The following MYO1F variants were observed in gnomAD, a reference collection of about 807,000 sequenced individuals.
MYO1F encodes the protein unconventional myosin-If.
Under a neutral mutation model 146.6 loss-of-function variants are expected in MYO1F, and 60 were observed. The ratio of observed to expected loss-of-function variants is 0.41; its 90% CI spans 0.33 to 0.51. The LOEUF (loss-of-function observed/expected upper bound fraction) is 0.51. Among genes scored for constraint, MYO1F ranks in the 20% least tolerant of loss-of-function variants. MYO1F has a pLI of 0.25. For missense variants in MYO1F, 1,274 were observed against 1,534.3 expected, an observed-to-expected ratio of 0.83 and a Z score of 2.83; for synonymous variants, 602 against 602.1, an observed-to-expected ratio of 1.00 and a Z score of 0.00.
At chr19:8,554,455 G>C in intron 4 of MYO1F, 22 bp downstream of exon 4, 1 of 1,580,166 alleles carries the variant, frequency 6.3e-7, no homozygotes, top group Non-Finnish European at 8.7e-7. Context: ...CAGGGTCTGT[G>C]GCCCCCCAAC....
intron 1 of MYO1F, among the ~76,000 whole-genome samples, chr19:8,564,237 C>G (rs1467304433): frequency 6.6e-6 from 1 of 151,978 alleles, no homozygotes; most frequent in East Asian, 1.9e-4. Context: ...AAAAATTAGC[C>G]AGGCGTGGTG....
At chr19:8,569,607 C>T (rs927736453) in intron 1 of MYO1F, among the ~76,000 whole-genome samples, 1 of 152,090 alleles carries the variant, frequency 6.6e-6, no homozygotes, top group African/African-American at 2.4e-5. Context: ...CCTTGGGGGG[C>T]TCGGTGTTCC....
intron 25 of MYO1F, chr19:8,525,199 CAA>C (rs60806727): frequency 0.04 from 3,164 of 79,604 alleles, no homozygotes; most frequent in South Asian, 0.1. Flanking sequence ...GACTCCATCT[CAA>C]AAAAAAAAAA....
Position 8,530,427 on chromosome 19 carries a change from C to T in MYO1F, c.2158+32G>A. On this transcript the variant is annotated intron_variant, in intron 20 of 27. Coordinates refer to ENST00000644032, the MANE Select transcript of MYO1F (RefSeq NM_012335.4). The surrounding 1 kb of genome is among the most constrained non-coding windows in gnomAD (Gnocchi z 5.8). The stretch of plus-strand genomic sequence containing the variant: ...ACAGCTCCTCCAGGTCCTTGTGCCC[C>T]CACCCCGCGCCGTTTACCCGAAGCC... The T allele has an allele frequency of 6.2e-7, 1 of 1,613,656 alleles. No homozygotes were observed. The highest frequency in any genetic ancestry group is 1.3e-5 in the African/African-American group (1 of 75,028).
chr19:8,569,349 A>G (rs1046974344), intron 1 of MYO1F, among the ~76,000 whole-genome samples: 2 of 152,046 alleles, frequency 1.3e-5, no homozygotes, highest in African/African-American at 4.8e-5. Context: ...TGGGTGGGGT[A>G]GGAAGGACGG....
At chr19:8,542,813 C>T (rs1973039548) in intron 14 of MYO1F, among the ~76,000 whole-genome samples, 1 of 151,632 alleles carries the variant, frequency 6.6e-6, no homozygotes, top group Middle Eastern at 3.4e-3. Context: ...ATATGTTAGC[C>T]AGGATGGTCT....
At chr19:8,565,016 G>A (rs1187853293) in intron 1 of MYO1F, among the ~76,000 whole-genome samples, 2 of 151,718 alleles carry the variant, frequency 1.3e-5, no homozygotes, top group African/African-American at 4.8e-5. Flanking sequence ...CAGGTGATCC[G>A]CCCACCTCAG....
chr19:8,564,433 T>C (rs2041963415), intron 1 of MYO1F, among the ~76,000 whole-genome samples: 2 of 152,062 alleles, frequency 1.3e-5, no homozygotes, highest in South Asian at 4.2e-4. Flanking sequence ...TGAGAGTCCC[T>C]GGGGTGCGTC....
At chr19:8,561,594 TCTC>T (rs1263661317) in intron 1 of MYO1F, among the ~76,000 whole-genome samples, 5 of 132,392 alleles carry the variant, frequency 3.8e-5, no homozygotes, top group African/African-American at 1.4e-4. Flanking sequence ...CCTCCCTCCC[TCTC>T]TTCTCTTTTT....
rs1306537582 is a variant in MYO1F at position 8,539,968 on chromosome 19, G to A, written c.1671C>T (p.Ser557=). ...CCACCTTGATCTTGGAGCCGGCGGT[G>A]CTGGGGCGCCCCTTCTTGTCTCCAT... ...KLDGDKKGRP[S]TAGSKIKKQA... Residue 557 remains serine (S), a synonymous_variant, in exon 16 of 28, where the codon AGC becomes AGT. Transcript: ENST00000644032. 6.2e-7 allele frequency: 1 copy of A among 1,612,720 alleles called. No individual in the cohort carries two copies. The highest frequency in any genetic ancestry group is 8.5e-7 in the Non-Finnish European group (1 of 1,179,270).
chr19:8,536,533 C>T lies in MYO1F; in HGVS notation c.1864G>A (p.Ala622Thr), dbSNP rs1972723539. Residue 622 changes from alanine (A) to threonine (T), a missense_variant, in exon 18 of 28, where the codon GCC (alanine) becomes ACC (threonine). Ala to Thr is a moderately conservative substitution (Grantham distance 58, BLOSUM62 0). This residue lies in a region of MYO1F where 900 missense variants were observed against 1,155.1 expected (regional missense o/e 0.78). Coordinates refer to ENST00000644032, the MANE Select transcript of MYO1F (RefSeq NM_012335.4). ...ENIRVRRAGF[A>T]YRRQFAKFLQ... ...AATTTGGCGAACTGGCGGCGGTAGG[C>T]GAAGCCGGCTCTGCGCACCCTGATG... 6.8e-6 allele frequency: 11 copies of T among 1,612,524 alleles called. No individual in the cohort carries two copies. Among genetic ancestry groups the T allele is most frequent in the East Asian group, 4.5e-5 (2 of 44,770 alleles).
At chr19:8,553,285 G>T in intron 5 of MYO1F, 57 bp from the exon 6 acceptor site, 1 of 1,599,214 alleles carries the variant, frequency 6.3e-7, no homozygotes, top group South Asian at 1.1e-5. Flanking sequence ...AGTGCAGATG[G>T]GTGGGGCTGC....
At position 8,525,488 on chromosome 19, in the gene MYO1F, G is replaced by T. The variant is rs773442534; in HGVS notation, c.2845C>A (p.Pro949Thr). The T allele has an allele frequency of 3.7e-6, 6 of 1,613,314 alleles. No homozygotes were observed. The highest frequency in any genetic ancestry group is 2.2e-5 in the East Asian group (1 of 44,878). ...GGACGCAGCTCCTCACCTCTGGGGG[G>T]CGCAGGGGCCGCCCGGGTAGGGGCT... ...SQAPTRAAPAPPRGMDRNGVP... is the reference protein window; with the variant it reads ...SQAPTRAAPATPRGMDRNGVP... Residue 949 changes from proline (P) to threonine (T), a missense_variant, in exon 25 of 28, where the codon CCC becomes ACC. Physicochemically the swap from Pro to Thr is conservative, Grantham distance 38. Around this residue, in one of 2 missense-constraint regions of MYO1F, gnomAD observed 374 missense variants for 379.2 expected, o/e 0.99. Coordinates refer to ENST00000644032, the MANE Select transcript of MYO1F (RefSeq NM_012335.4).
In MYO1F at chr19:8,552,028, T is replaced by C; in HGVS notation, c.636+5A>G. On this transcript the variant is annotated splice_donor_5th_base_variant and intron_variant, in intron 7 of 27. Transcript: ENST00000644032. ...GCTCCCTCTCCCCCGGCCCCTTCCCTGCACCTGGTAGTAGATGTGGAAGTT... is the reference window on the plus strand; with the variant it reads ...GCTCCCTCTCCCCCGGCCCCTTCCCCGCACCTGGTAGTAGATGTGGAAGTT... 1 of 1,613,964 alleles carries C rather than the reference T, an allele frequency of 6.2e-7. No individual in the cohort carries two copies. Among genetic ancestry groups the C allele is most frequent in the Non-Finnish European group, 8.5e-7 (1 of 1,179,968 alleles).
intron 16 of MYO1F, among the ~76,000 whole-genome samples, chr19:8,538,837 G>A (rs1385184202): frequency 6.6e-6 from 1 of 152,128 alleles, no homozygotes; most frequent in East Asian, 1.9e-4. Context: ...CAACAGAATG[G>A]TGAGTGCCAG....
chr19:8,543,657 G>GTGC (rs1973081835), intron 14 of MYO1F, among the ~76,000 whole-genome samples: 1 of 70,888 alleles, frequency 1.4e-5, no homozygotes, highest in South Asian at 5.4e-4. Flanking sequence ...GGTGGTGCTG[G>GTGC]TGGTGGTGGT....
At chr19:8,524,906 G>A (rs1188857236) in intron 25 of MYO1F, among the ~76,000 whole-genome samples, 1 of 152,096 alleles carries the variant, frequency 6.6e-6, no homozygotes, top group African/African-American at 2.4e-5. Context: ...AAAATAAGAT[G>A]TAGTTTGAGG....
At chr19:8,574,623 T>C (rs151008609) in intron 1 of MYO1F, among the ~76,000 whole-genome samples, 1,213 of 56,546 alleles carry the variant, frequency 0.021, 5 homozygotes, top group East Asian at 0.028. Context: ...CTTTCTTTCT[T>C]TCTTTCTTTC....
At chr19:8,560,382 G>A (rs1974037855) in intron 1 of MYO1F, among the ~76,000 whole-genome samples, 1 of 151,754 alleles carries the variant, frequency 6.6e-6, no homozygotes, top group South Asian at 2.1e-4. Context: ...CTACTCAGGA[G>A]GCTGAGGCAG....
Sources: allele counts gnomAD v4.1 joint callset (sites outside exome capture counted in the v4.1 genomes callset), GRCh38; gene constraint gnomAD v4.1.1; regional missense constraint gnomAD v4.1.1; non-coding constraint Gnocchi (gnomAD v3.1); transcripts MANE v1.5; gene names NCBI Gene and HGNC (gene_info 2026-07-23, HGNC 2026-07-21).